CCL23: variants seen among roughly 807,000 people sequenced by gnomAD.
CCL23 encodes C-C motif chemokine 23.
Under a neutral mutation model 11.8 loss-of-function variants are expected in CCL23, and 10 were observed. The observed-to-expected ratio is 0.84, with a 90% CI of 0.52 to 1.43. The LOEUF (loss-of-function observed/expected upper bound fraction) is 1.43. CCL23 is among the 40% of genes most tolerant of loss of function. The pLI is 0.00. For missense variants in CCL23, 181 were observed against 170.9 expected (o/e 1.06, Z -0.33); for synonymous variants, 60 against 61.0 (o/e 0.98, Z 0.07).
intron 3 of CCL23, 182 bp from the exon 4 acceptor site, chr17:36,013,490 G>C: frequency 1.6e-6 from 1 of 610,984 alleles, no homozygotes; most frequent in Non-Finnish European, 2.9e-6. Context: ...CCCTCAGCCT[G>C]TGGGACTCCC....
At position 36,014,393 on chromosome 17, in the gene CCL23, T is replaced by A. The variant is rs1447985338; in HGVS notation, c.77A>T (p.Asp26Val). ...ALGSQARVTK[D>V]AETEFMMSKL... ...TGACATCATGAACTCTGTCTCTGCA[T>A]CTGGAAGAAGCAGACAGGACAGGGA... Residue 26 changes from aspartate (D) to valine (V), a missense_variant and splice_region_variant, in exon 2 of 4, where the codon GAT becomes GTT. Asp to Val is a radical substitution (Grantham distance 152, BLOSUM62 -3). Coordinates refer to ENST00000615050, the MANE Select transcript of CCL23 (RefSeq NM_005064.6). The A allele has an allele frequency of 1.9e-6, 3 of 1,612,866 alleles. No individual in the cohort carries two copies. The highest frequency in any genetic ancestry group is 2.5e-6 in the Non-Finnish European group (3 of 1,178,828).
rs1046280271 is a variant in CCL23, at chr17:36,013,140, G to C, written c.*57C>G. 11 of 921,548 alleles carry C rather than the reference G, an allele frequency of 1.2e-5. No homozygotes were observed. In the Admixed American group the frequency reaches 1.4e-4, roughly 12 times the overall value. The allele number at this position is 921,548 out of a possible 1,614,324, so 57.1% of individuals were successfully genotyped here. A position where few individuals can be genotyped will look rare whatever the true frequency, so the allele number is the denominator to read the frequency against. The stretch of plus-strand genomic sequence containing the variant: ...CTTCTTAAAAAAATAATTCAGGAAG[G>C]TAGTTGAGGCAAGAAAGTTGGTGGC... On this transcript the variant is annotated 3_prime_UTR_variant, in exon 4 of 4. Transcript: ENST00000615050.
chr17:36,013,280 A>G lies in CCL23; in HGVS notation c.331T>C (p.Cys111Arg). 6.2e-7 allele frequency: 1 copy of G among 1,613,816 alleles called. No homozygotes were observed. The highest frequency in any genetic ancestry group is 1.1e-5 in the South Asian group (1 of 91,048). Residue 111 changes from cysteine to arginine, a missense_variant, in exon 4 of 4, where the codon TGT becomes CGT. Coordinates refer to ENST00000615050, the MANE Select transcript of CCL23 (RefSeq NM_005064.6). ...ACTTGCTTATCACTGGGGTTGGCAC[A>G]GAAACGTCGCCCCTTCTTGGTGAGG... The part of the protein sequence containing the change: ...IFLTKKGRRF[C>R]ANPSDKQVQV...
In CCL23 at chr17:36,014,343, G is replaced by C. The variant is rs2090081800; in HGVS notation, c.127C>G (p.Leu43Val). Residue 43 changes from leucine to valine, a missense_variant, in exon 2 of 4, where the codon CTT becomes GTT. By Grantham distance (32) the Leu-to-Val change is conservative. Transcript: ENST00000615050. ...MSKLPLENPV[L>V]LDMLWRRKIG... ...GTATCTGATCACTTACTGTCCAGAA[G>C]TACTGGATTTTCCAATGGAAGCTTT... The C allele has an allele frequency of 2.5e-6, 4 of 1,610,266 alleles. No individual in the cohort carries two copies. Among genetic ancestry groups the C allele is most frequent in the South Asian group, 1.1e-5 (1 of 91,012 alleles).
chr17:36,014,633 TAA>T (rs2090084769), intron 1 of CCL23, among the ~76,000 whole-genome samples: 1 of 152,166 alleles, frequency 6.6e-6, no homozygotes, highest in Non-Finnish European at 1.5e-5. Flanking sequence ...TCTGAAATAC[TAA>T]AAGAAACCTC....
At chr17:36,015,500 A>G (rs1256432412) in intron 1 of CCL23, among the ~76,000 whole-genome samples, 1 of 152,230 alleles carries the variant, frequency 6.6e-6, no homozygotes, top group Non-Finnish European at 1.5e-5. Context: ...CCTGCTTTGA[A>G]TTATTTTGGA....
chr17:36,013,326 GA>G lies in CCL23; in HGVS notation c.303-19del, dbSNP rs1413278039. 1 of 1,544,394 alleles carries G rather than the reference GA, an allele frequency of 6.5e-7. No individual in the cohort carries two copies. Reference sequence around the variant, plus strand: ...TGAGGAAGCTAGGGAACAAGGGGGAGAAAAGTTACAAACTGAGGTGTGTCCA... The same window carrying G: ...TGAGGAAGCTAGGGAACAAGGGGGAGAAAGTTACAAACTGAGGTGTGTCCA... On this transcript the variant is annotated intron_variant, in intron 3 of 3. Coordinates refer to ENST00000615050, the MANE Select transcript of CCL23 (RefSeq NM_005064.6).
At chr17:36,016,335 C>T (rs1009883347) in intron 1 of CCL23, among the ~76,000 whole-genome samples, 6 of 152,010 alleles carry the variant, frequency 3.9e-5, no homozygotes, top group Admixed American at 2.6e-4. Context: ...CCCTCCACTC[C>T]CCGATAGGCC....
At chr17:36,013,635 G>T (rs942230903) in intron 3 of CCL23, 109 bp downstream of exon 3, 2 of 1,051,284 alleles carry the variant, frequency 1.9e-6, no homozygotes, top group Non-Finnish European at 2.9e-6. Flanking sequence ...CCCATACCTG[G>T]CAGGATCCAG....
intron 2 of CCL23, 23 bp downstream of exon 2, chr17:36,014,311 A>G (rs200350391): frequency 1.1e-4 from 179 of 1,577,728 alleles, no homozygotes; most frequent in African/African-American, 2.7e-4. Context: ...GCTTTTAAAT[A>G]TATGCCGTAT....
chr17:36,013,575 G>T (rs1227960108), intron 3 of CCL23, 169 bp downstream of exon 3: 2 of 656,836 alleles, frequency 3.0e-6, no homozygotes, highest in Non-Finnish European at 2.6e-6. Context: ...TTCCCCCTGG[G>T]AGTGTCTCAT....
rs779395886 is a variant in CCL23 at position 36,013,945 on chromosome 17, A to T, written c.137-36T>A. 16 of 1,602,908 alleles carry T rather than the reference A, an allele frequency of 1.0e-5. 1 individual carries two copies. The South Asian group carries it at 1.5e-4, about 15-fold the overall frequency. On this transcript the variant is annotated intron_variant, in intron 2 of 3. Transcript: ENST00000615050. ...TGAGAAGGCACATGGCTCAGAAGAG[A>T]TGTTTCCTCCTCCGTGACCAGCACT...
In CCL23 at chr17:36,013,743, C is replaced by T. The variant is rs1167778883; in HGVS notation, c.302+1G>A. 6.2e-6 allele frequency: 10 copies of T among 1,614,104 alleles called. No homozygotes were observed. The highest frequency in any genetic ancestry group is 7.6e-6 in the Non-Finnish European group (9 of 1,180,026). The stretch of plus-strand genomic sequence containing the variant: ...ACATGTTTGGTGAGCTTGGCACCTA[C>T]ATGACACCCGGCTTGGAGCACTCGC... On this transcript the variant is annotated splice_donor_variant, in intron 3 of 3. Transcript: ENST00000615050. LOFTEE classifies it high-confidence loss of function.
At chr17:36,013,677 G>C in intron 3 of CCL23, 67 bp downstream of exon 3, 5 of 1,515,622 alleles carry the variant, frequency 3.3e-6, no homozygotes, top group African/African-American at 1.4e-5. Context: ...CAGTCTATCA[G>C]GTCCTCCCTG....
At chr17:36,014,513 C>A in intron 1 of CCL23, 120 bp from the exon 2 acceptor site, 1 of 762,470 alleles carries the variant, frequency 1.3e-6, no homozygotes, top group Non-Finnish European at 2.3e-6. Context: ...AGCTGGACCA[C>A]CACCACCTGT....
chr17:36,015,007 A>G (rs2090087525), intron 1 of CCL23, among the ~76,000 whole-genome samples: 1 of 152,194 alleles, frequency 6.6e-6, no homozygotes, highest in African/African-American at 2.4e-5. Flanking sequence ...TATTTTAAGT[A>G]TACAGTTCAA....
chr17:36,013,788 C>A lies in CCL23; in HGVS notation c.258G>T (p.Glu86Asp), dbSNP rs538427986. ...ACTCGCTGTTCGTTTCAAAGTAACT[C>A]TCCAGGAGTGAACACGGGATGCTTC... ...TPRSIPCSLL[E>D]SYFETNSECS... The change falls in exon 3 of 4, where the codon GAG becomes GAT. Residue 86 changes from glutamate to aspartate, a missense_variant. Glu to Asp is a conservative substitution (Grantham distance 45). Coordinates refer to ENST00000615050, the MANE Select transcript of CCL23 (RefSeq NM_005064.6). 6.8e-6 allele frequency: 11 copies of A among 1,614,088 alleles called. No homozygotes were observed. The highest frequency in any genetic ancestry group is 1.6e-4 in the Middle Eastern group (1 of 6,084).
At chr17:36,016,920 C>A (rs78088268) in intron 1 of CCL23, among the ~76,000 whole-genome samples, 3,736 of 151,774 alleles carry the variant, frequency 0.025, 140 homozygotes, top group African/African-American at 0.082. Context: ...GAATTAGTCC[C>A]CCAATTGCTT....
At chr17:36,017,746 G>A (rs2090108128) in intron 1 of CCL23, 76 bp downstream of exon 1, 33 of 1,322,782 alleles carry the variant, frequency 2.5e-5, no homozygotes, top group Non-Finnish European at 3.5e-5. Context: ...GTAGTTACAG[G>A]AGGGCAATGT....
Sources: allele counts gnomAD v4.1 joint callset (sites outside exome capture counted in the v4.1 genomes callset), GRCh38; gene constraint gnomAD v4.1.1; transcripts MANE v1.5; gene names NCBI Gene and HGNC (gene_info 2026-07-23, HGNC 2026-07-21).